Variants in TACR1 observed in about 807,000 individuals in gnomAD.
TACR1 encodes the protein substance-P receptor.
In TACR1, 25 loss-of-function variants were observed where a neutral mutation model predicts 35.8. The observed-to-expected ratio is 0.70, with a 90% confidence interval of 0.51 to 0.98. TACR1 has a LOEUF of 0.98. Ranked by LOEUF, TACR1 falls within the 50% of genes least tolerant of loss-of-function variation. TACR1 has a pLI of 0.00. For synonymous variants in TACR1, 195 were observed against 206.7 expected (o/e 0.94, Z 0.48); for missense variants, 478 against 522.9 (o/e 0.91, Z 0.84).
chr2:75,187,933 C>T (rs1197089822), intron 1 of TACR1: 2 of 152,220 alleles, frequency 1.3e-5, no homozygotes, highest in Non-Finnish European at 2.9e-5. Flanking sequence ...ATCTTTAACA[C>T]ATTAACTTCC....
intron 2 of TACR1, among the ~76,000 whole-genome samples, chr2:75,083,283 A>G (rs572488646): frequency 2.0e-4 from 30 of 152,224 alleles, no homozygotes; most frequent in Admixed American, 3.9e-4. Context: ...CCATTGATCT[A>G]TATCTCTGTT....
chr2:75,160,273 G>T (rs1297481942), intron 1 of TACR1, among the ~76,000 whole-genome samples: 1 of 151,492 alleles, frequency 6.6e-6, no homozygotes, highest in African/African-American at 2.4e-5. Context: ...TGATGACAAT[G>T]AATTATGAGT....
chr2:75,184,784 A>C (rs1379023680), intron 1 of TACR1, among the ~76,000 whole-genome samples: 1 of 151,630 alleles, frequency 6.6e-6, no homozygotes, highest in East Asian at 1.9e-4. Context: ...AATATATAAT[A>C]AAACTTTTTA....
At position 75,198,805 on chromosome 2, in the gene TACR1, C is replaced by G. The variant is rs267599465; in HGVS notation, c.130G>C (p.Val44Leu). 2 of 1,614,042 alleles carry G rather than the reference C, an allele frequency of 1.2e-6. No individual in the cohort carries two copies. Among genetic ancestry groups the G allele is most frequent in the South Asian group, 1.1e-5 (1 of 91,084 alleles). ...ACCACGTTGCCCACCACAGAGGTCA[C>G]CACAATGACCGTGTAGGCAGCTGCC... ...LWAAAYTVIVVTSVVGNVVVM... is the reference protein window; with the variant it reads ...LWAAAYTVIVLTSVVGNVVVM... Residue 44 changes from valine to leucine, a missense_variant, in exon 1 of 5, where the codon GTG becomes CTG. By Grantham distance (32) the Val-to-Leu change is conservative (BLOSUM62 1). Transcript: ENST00000305249.
intron 1 of TACR1, among the ~76,000 whole-genome samples, chr2:75,196,916 G>C (rs1033673868): frequency 6.6e-5 from 10 of 152,246 alleles, no homozygotes; most frequent in Admixed American, 5.2e-4. Context: ...CTGGCATCAG[G>C]TTTCACTACC....
In TACR1 at chr2:75,169,292, C is replaced by G. The variant is rs529045763; in HGVS notation, c.389+29254G>C. 3.3e-5 allele frequency among the ~76,000 whole-genome samples: 5 copies of G among 152,154 alleles called. No homozygotes were observed. The East Asian group carries it at 5.8e-4, about 18-fold the overall frequency. On this transcript the variant is annotated intron_variant, in intron 1 of 4. Transcript: ENST00000305249. ...CTCCTTTGAGTCCTCAATTTTGATT[C>G]ATTTATTCACTAGTTATAGTATGTC...
chr2:75,156,174 TATG>T (rs1674847851), intron 1 of TACR1: 1 of 152,118 alleles, frequency 6.6e-6, no homozygotes, highest in African/African-American at 2.4e-5. Context: ...GGGTCCTCGA[TATG>T]ATAACAAGTA....
chr2:75,062,820 A>G (rs994798421), intron 2 of TACR1, among the ~76,000 whole-genome samples: 4 of 152,242 alleles, frequency 2.6e-5, no homozygotes, highest in Non-Finnish European at 5.9e-5. Flanking sequence ...TTTTGCCAAC[A>G]TGATAGGTCA....
chr2:75,135,024 G>A (rs1337233772), intron 1 of TACR1, among the ~76,000 whole-genome samples: 1 of 152,146 alleles, frequency 6.6e-6, no homozygotes, highest in Non-Finnish European at 1.5e-5. Context: ...AGAGAAATAG[G>A]CTCTCCAGAA....
chr2:75,101,506 A>G (rs142745265), intron 2 of TACR1, among the ~76,000 whole-genome samples: 73 of 152,298 alleles, frequency 4.8e-4, no homozygotes, highest in African/African-American at 1.6e-3. Flanking sequence ...TCAGAGGAGT[A>G]AAAAGTAACT....
At chr2:75,082,554 G>T (rs1005216487) in intron 2 of TACR1, among the ~76,000 whole-genome samples, 2 of 152,076 alleles carry the variant, frequency 1.3e-5, no homozygotes, top group African/African-American at 4.8e-5. Flanking sequence ...GTGTAAAAGT[G>T]TTCCTATTTC....
At position 75,198,676 on chromosome 2, in the gene TACR1, C is replaced by T. The variant is rs888248509; in HGVS notation, c.259G>A (p.Val87Met). The T allele has an allele frequency of 6.2e-7, 1 of 1,614,236 alleles. No individual in the cohort carries two copies. The highest frequency in any genetic ancestry group is 8.5e-7 in the Non-Finnish European group (1 of 1,180,032). ...TGGACAGCATAGGTGAAGTTCACCA[C>T]TGTATTGAATGCAGCCATGGAGGCC... ...AEASMAAFNTVVNFTYAVHNE... is the reference protein window; with the variant it reads ...AEASMAAFNTMVNFTYAVHNE... Residue 87 changes from valine (V) to methionine (M), a missense_variant, in exon 1 of 5, where the codon GTG (valine) becomes ATG (methionine). Transcript: ENST00000305249.
At chr2:75,069,396 T>C (rs755399114) in intron 2 of TACR1, among the ~76,000 whole-genome samples, 6 of 152,054 alleles carry the variant, frequency 3.9e-5, no homozygotes, top group Non-Finnish European at 8.8e-5. Flanking sequence ...TAGAATAATT[T>C]AGATTTACAG....
intron 2 of TACR1, among the ~76,000 whole-genome samples, chr2:75,056,548 G>T (rs531520705): frequency 3.9e-5 from 6 of 152,312 alleles, no homozygotes; most frequent in African/African-American, 1.4e-4. Context: ...TTGGCTTGGT[G>T]TGGGGCCATG....
At chr2:75,164,662 A>G (rs1169582955) in intron 1 of TACR1, among the ~76,000 whole-genome samples, 1 of 152,220 alleles carries the variant, frequency 6.6e-6, no homozygotes, top group Non-Finnish European at 1.5e-5. Flanking sequence ...TCCTGTACAA[A>G]GAAAAGTAGG....
chr2:75,145,204 T>G (rs1159441168), intron 1 of TACR1, among the ~76,000 whole-genome samples: 1 of 152,150 alleles, frequency 6.6e-6, no homozygotes, highest in Non-Finnish European at 1.5e-5. Context: ...TATCATCACT[T>G]CTAATATAAG....
chr2:75,178,959 C>T (rs1675495250), intron 1 of TACR1, among the ~76,000 whole-genome samples: 1 of 152,124 alleles, frequency 6.6e-6, no homozygotes, highest in African/African-American at 2.4e-5. Context: ...TGTATACAGT[C>T]CTATGGTTTT....
At chr2:75,166,502 CCAAT>C (rs1675146377) in intron 1 of TACR1, among the ~76,000 whole-genome samples, 2 of 152,184 alleles carry the variant, frequency 1.3e-5, no homozygotes, top group Non-Finnish European at 1.5e-5. Flanking sequence ...TAGTCGTTGG[CCAAT>C]CAATCAGCGC....
rs1673751280 is a variant in TACR1 at position 75,111,590 on chromosome 2, A to G, written c.584+8984T>C. Among the ~76,000 whole-genome samples the G allele has an allele frequency of 2.0e-5, 3 of 152,186 alleles. No individual in the cohort carries two copies. In the South Asian group the frequency reaches 6.2e-4, roughly 32 times the overall value. On this transcript the variant is annotated intron_variant, in intron 2 of 4. Transcript: ENST00000305249. ...TATGTCAATATCATACTGGATAAGT[A>G]AATTATGGTTTCTCCATATAAAGAA...
Sources: allele counts gnomAD v4.1 joint callset (sites outside exome capture counted in the v4.1 genomes callset), GRCh38; gene constraint gnomAD v4.1.1; transcripts MANE v1.5; gene names NCBI Gene and HGNC (gene_info 2026-07-23, HGNC 2026-07-21).